The following OXR1 variants were observed in gnomAD, a reference collection of about 807,000 sequenced individuals.
OXR1 encodes the protein oxidation resistance protein 1.
In OXR1, 41 loss-of-function variants were observed where a neutral mutation model predicts 104.6. The ratio of observed to expected loss-of-function variants is 0.39; its 90% CI spans 0.31 to 0.51. The LOEUF is 0.51. OXR1 is among the 20% of genes least tolerant of loss of function. OXR1 has a pLI of 0.77. For missense variants in OXR1, 955 were observed against 1,031.9 expected (o/e 0.93, Z 1.02); for synonymous variants, 348 against 348.4 (o/e 1.00, Z 0.01).
intron 11 of OXR1, among the ~76,000 whole-genome samples, chr8:106,730,201 G>A (rs976827310): frequency 6.6e-6 from 1 of 152,066 alleles, no homozygotes; most frequent in African/African-American, 2.4e-5. Context: ...TGACATTAGT[G>A]TGATATATGT....
chr8:106,664,294 C>G (rs1183333416), intron 3 of OXR1, among the ~76,000 whole-genome samples: 2 of 152,190 alleles, frequency 1.3e-5, no homozygotes, highest in African/African-American at 4.8e-5. Flanking sequence ...GAATCATCTC[C>G]TGAAGGGCTT....
intron 11 of OXR1, among the ~76,000 whole-genome samples, chr8:106,724,687 C>G (rs1216684012): frequency 6.6e-6 from 1 of 152,140 alleles, no homozygotes; most frequent in Non-Finnish European, 1.5e-5. Context: ...TTGAAAGCCA[C>G]TGATTTAGGT....
chr8:106,431,115 TAAGATATGCTG>T (rs1156714565), intron 2 of OXR1, among the ~76,000 whole-genome samples: 1 of 152,156 alleles, frequency 6.6e-6, no homozygotes, highest in Non-Finnish European at 1.5e-5. Flanking sequence ...CACCGTCCTG[TAAGATATGCTG>T]AAGATATGCT....
At chr8:106,735,232 T>C (rs2131545157) in intron 11 of OXR1, among the ~76,000 whole-genome samples, 1 of 152,024 alleles carries the variant, frequency 6.6e-6, no homozygotes, top group African/African-American at 2.4e-5. Flanking sequence ...TTTCTTACAG[T>C]TTTCTGTATC....
chr8:106,401,370 G>C, intron 2 of OXR1, among the ~76,000 whole-genome samples: 1 of 152,212 alleles, frequency 6.6e-6, no homozygotes, highest in Admixed American at 6.5e-5. Flanking sequence ...TTAAGCGTTC[G>C]GTGTCTACTA....
intron 2 of OXR1, among the ~76,000 whole-genome samples, chr8:106,423,713 C>T (rs1818994126): frequency 1.3e-5 from 2 of 152,056 alleles, no homozygotes; most frequent in Middle Eastern, 3.2e-3. Flanking sequence ...GTATTTAAAC[C>T]ACTGGAGATG....
At chr8:106,561,043 C>T (rs1334670290) in intron 3 of OXR1, among the ~76,000 whole-genome samples, 3 of 152,128 alleles carry the variant, frequency 2.0e-5, no homozygotes, top group African/African-American at 4.8e-5. Flanking sequence ...TGGGTGTATA[C>T]ACCACAAGGG....
At chr8:106,595,177 G>A (rs1819419547) in intron 3 of OXR1, among the ~76,000 whole-genome samples, 2 of 152,160 alleles carry the variant, frequency 1.3e-5, no homozygotes, top group Admixed American at 6.6e-5. Flanking sequence ...AAAGAAGCAT[G>A]CACAGAACTA....
At chr8:106,464,403 T>G (rs1382780480) in intron 2 of OXR1, among the ~76,000 whole-genome samples, 1 of 152,084 alleles carries the variant, frequency 6.6e-6, no homozygotes, top group Admixed American at 6.6e-5. Flanking sequence ...TAATTAGATA[T>G]GTGCATCTGT....
chr8:106,633,909 A>G (rs898964917), intron 3 of OXR1, among the ~76,000 whole-genome samples: 4 of 152,210 alleles, frequency 2.6e-5, no homozygotes, highest in Non-Finnish European at 5.9e-5. Context: ...GTAAGGAAAT[A>G]TCAGAGGTCC....
At chr8:106,535,172 C>A (rs960252988) in intron 3 of OXR1, among the ~76,000 whole-genome samples, 1 of 151,980 alleles carries the variant, frequency 6.6e-6, no homozygotes, top group Non-Finnish European at 1.5e-5. Context: ...ACTGTTTTTG[C>A]CAGGATGGTC....
intron 3 of OXR1, among the ~76,000 whole-genome samples, chr8:106,597,868 C>A (rs1002156351): frequency 6.6e-6 from 1 of 152,168 alleles, no homozygotes; most frequent in African/African-American, 2.4e-5. Context: ...ACTGCCCACA[C>A]TGCCCCAATA....
chr8:106,446,774 A>G (rs1820027367), intron 2 of OXR1, among the ~76,000 whole-genome samples: 1 of 152,066 alleles, frequency 6.6e-6, no homozygotes, highest in Admixed American at 6.6e-5. Flanking sequence ...TTACTGAAAA[A>G]TACAAAAAGT....
chr8:106,490,475 C>T (rs533870067), intron 2 of OXR1, among the ~76,000 whole-genome samples: 6 of 152,294 alleles, frequency 3.9e-5, no homozygotes, highest in African/African-American at 1.4e-4. Context: ...TCTCCTGCCT[C>T]AGCCTCCCTA....
chr8:106,677,614 T>A (rs1458495774), intron 3 of OXR1, among the ~76,000 whole-genome samples: 1 of 152,124 alleles, frequency 6.6e-6, no homozygotes, highest in Non-Finnish European at 1.5e-5. Context: ...CATTATTACA[T>A]GTTTAAGGAC....
intron 7 of OXR1, among the ~76,000 whole-genome samples, chr8:106,698,215 T>G (rs1830256387): frequency 6.6e-6 from 1 of 152,232 alleles, no homozygotes; most frequent in East Asian, 1.9e-4. Flanking sequence ...CTTTAAAAAT[T>G]TACTCCATTG....
At chr8:106,366,494 G>A (rs567152530) in intron 2 of OXR1, among the ~76,000 whole-genome samples, 21 of 152,274 alleles carry the variant, frequency 1.4e-4, no homozygotes, top group African/African-American at 5.1e-4. Context: ...CTTTCAGCAT[G>A]ATCAAATAAA....
At chr8:106,671,253 G>A (rs180798557) in intron 3 of OXR1, among the ~76,000 whole-genome samples, 19 of 151,692 alleles carry the variant, frequency 1.3e-4, no homozygotes, top group Admixed American at 2.6e-4. Context: ...AAAAAACTGG[G>A]AACCTATAGA....
chr8:106,311,272 T>C (rs1813688696), intron 1 of OXR1, among the ~76,000 whole-genome samples: 2 of 152,162 alleles, frequency 1.3e-5, no homozygotes, highest in Non-Finnish European at 2.9e-5. Flanking sequence ...ATATCGGTTA[T>C]AGTGTTCTAA....
Sources: allele counts gnomAD v4.1 joint callset (sites outside exome capture counted in the v4.1 genomes callset), GRCh38; gene constraint gnomAD v4.1.1; transcripts MANE v1.5; gene names NCBI Gene and HGNC (gene_info 2026-07-23, HGNC 2026-07-21).